Variants in PCCB observed in about 807,000 individuals in gnomAD.
PCCB encodes propionyl-CoA carboxylase beta chain, mitochondrial.
In PCCB, 43 loss-of-function variants were observed where a neutral mutation model predicts 60.7. The observed-to-expected ratio is 0.71, with a 90% CI of 0.55 to 0.91. The LOEUF (loss-of-function observed/expected upper bound fraction) is 0.91, where lower values mean the gene tolerates loss of function less well. Among genes scored for constraint, PCCB ranks in the 40% least tolerant of loss-of-function variants. The pLI, the probability that PCCB is intolerant of heterozygous loss-of-function variation, is 0.00. For missense variants in PCCB, 766 were observed against 702.8 expected (o/e 1.09, Z -1.02); for synonymous variants, 276 against 255.9 (o/e 1.08, Z -0.75).
intron 5 of PCCB, among the ~76,000 whole-genome samples, chr3:136,270,768 A>G (rs1440146816): frequency 6.6e-6 from 1 of 152,128 alleles, no homozygotes; most frequent in Non-Finnish European, 1.5e-5. Flanking sequence ...GGCCTCCCAA[A>G]TTACTGGGAT....
chr3:136,273,408 G>T (rs1413036377), intron 5 of PCCB, among the ~76,000 whole-genome samples: 1 of 152,066 alleles, frequency 6.6e-6, no homozygotes, highest in Admixed American at 6.6e-5. Flanking sequence ...AGTGCTGTCA[G>T]TGGAGTATCG....
At chr3:136,308,689 G>A (rs996623116) in intron 9 of PCCB, among the ~76,000 whole-genome samples, 6 of 152,174 alleles carry the variant, frequency 3.9e-5, no homozygotes, top group African/African-American at 1.4e-4. Flanking sequence ...ATATGTATTA[G>A]ATCAGAAAGA....
intron 5 of PCCB, among the ~76,000 whole-genome samples, chr3:136,262,989 C>T (rs1464008429): frequency 7.2e-6 from 1 of 139,408 alleles, no homozygotes; most frequent in Non-Finnish European, 1.5e-5. Context: ...GAGTCTGGCT[C>T]TGTCTCCCAG....
intron 5 of PCCB, among the ~76,000 whole-genome samples, chr3:136,281,398 C>T (rs1054369340): frequency 2.0e-5 from 3 of 151,592 alleles, no homozygotes; most frequent in Admixed American, 1.3e-4. Context: ...TGCTGTTGAA[C>T]CCCTGAAATG....
At chr3:136,325,978 T>A (rs920038234) in intron 10 of PCCB, among the ~76,000 whole-genome samples, 9 of 151,992 alleles carry the variant, frequency 5.9e-5, no homozygotes, top group African/African-American at 2.2e-4. Context: ...CACACCCGGC[T>A]AATTTTTGTA....
intron 4 of PCCB, 45 bp downstream of exon 4, chr3:136,260,580 A>G (rs377205275): frequency 2.3e-5 from 33 of 1,461,938 alleles, no homozygotes; most frequent in African/African-American, 6.9e-5. Flanking sequence ...TTCCTCAGTT[A>G]CATAGTGCTT....
chr3:136,258,686 C>T (rs987768156), intron 3 of PCCB, among the ~76,000 whole-genome samples: 6 of 152,118 alleles, frequency 3.9e-5, no homozygotes, highest in African/African-American at 1.4e-4. Context: ...TCAGCCTCAC[C>T]TTTTCCTCTT....
At chr3:136,287,409 T>G (rs539883508) in intron 6 of PCCB, among the ~76,000 whole-genome samples, 23 of 152,010 alleles carry the variant, frequency 1.5e-4, no homozygotes, top group Non-Finnish European at 2.4e-4. Flanking sequence ...GTGTGTGTGT[T>G]TTTTCTTTTG....
intron 8 of PCCB, among the ~76,000 whole-genome samples, chr3:136,299,899 CAT>C (rs1055324637): frequency 4.6e-5 from 7 of 151,256 alleles, no homozygotes; most frequent in African/African-American, 1.2e-4. Context: ...TATATGCGTA[CAT>C]ATGTATGCAT....
chr3:136,327,745 T>A lies in PCCB; in HGVS notation c.1398+13T>A. The A allele has an allele frequency of 6.3e-7, 1 of 1,599,698 alleles. No individual in the cohort carries two copies. The highest frequency in any genetic ancestry group is 8.6e-7 in the Non-Finnish European group (1 of 1,167,572). On this transcript the variant is annotated intron_variant, in intron 13 of 14. Coordinates refer to ENST00000251654, the MANE Select transcript of PCCB (RefSeq NM_000532.5). ...CATGGGAGCAAAGGTGAGGGCCTCTTGCTTTTCCCTTTCTGGGTCCAAGGA... is the reference window on the plus strand; with the variant it reads ...CATGGGAGCAAAGGTGAGGGCCTCTAGCTTTTCCCTTTCTGGGTCCAAGGA...
At position 136,323,992 on chromosome 3, in the gene PCCB, G is replaced by GTTTT. The variant is rs774958157; in HGVS notation, c.1091-2800_1091-2797dup. ...AAATTTTCCTCTTTTCCCAAGCTTT[G>GTTTT]TTTTTTTTTTTTTTGATATTTAATG... On this transcript the variant is annotated intron_variant, in intron 10 of 14. Transcript: ENST00000251654. Among the ~76,000 whole-genome samples, 700 of 128,712 alleles carry GTTTT rather than the reference G, an allele frequency of 5.4e-3. 6 individuals carry two copies. Among genetic ancestry groups the GTTTT allele is most frequent in the East Asian group, 0.049 (214 of 4,332 alleles). 84.4% of individuals were successfully genotyped at this position (128,712 alleles called of 152,430 possible).
At chr3:136,312,940 G>A (rs1431166210) in intron 9 of PCCB, among the ~76,000 whole-genome samples, 5 of 152,070 alleles carry the variant, frequency 3.3e-5, no homozygotes, top group East Asian at 1.9e-4. Flanking sequence ...AAAAAACCAC[G>A]GATAGATAGC....
chr3:136,272,572 T>A (rs370130603), intron 5 of PCCB, among the ~76,000 whole-genome samples: 2 of 152,148 alleles, frequency 1.3e-5, no homozygotes, highest in Non-Finnish European at 2.9e-5. Flanking sequence ...TTCTTCCTGA[T>A]TTAGAGGATT....
chr3:136,265,512 A>G (rs1438101077), intron 5 of PCCB, among the ~76,000 whole-genome samples: 1 of 152,126 alleles, frequency 6.6e-6, no homozygotes, highest in African/African-American at 2.4e-5. Flanking sequence ...AATAATATCT[A>G]TTGAATATTT....
intron 1 of PCCB, chr3:136,255,363 C>A: frequency 5.0e-6 from 1 of 201,808 alleles, no homozygotes; most frequent in Non-Finnish European, 1.0e-5. Context: ...GGAGAAGAAC[C>A]AGGAAGTAGC....
At chr3:136,288,110 T>A (rs1249609481) in intron 6 of PCCB, among the ~76,000 whole-genome samples, 2 of 152,228 alleles carry the variant, frequency 1.3e-5, no homozygotes, top group Non-Finnish European at 2.9e-5. Flanking sequence ...CAATTTGCAT[T>A]AGTCCATGAC....
chr3:136,293,805 C>G lies in PCCB; in HGVS notation c.704C>G (p.Thr235Ser), dbSNP rs1410754943. 6.2e-7 allele frequency: 1 copy of G among 1,613,626 alleles called. No homozygotes were observed. Among genetic ancestry groups the G allele is most frequent in the African/African-American group, 1.3e-5 (1 of 75,032 alleles). Reference protein sequence around the residue: ...ITGPDVVKSVTNEDVTQEELG... With the variant: ...ITGPDVVKSVSNEDVTQEELG... The stretch of plus-strand genomic sequence containing the variant: ...GGCCCTGATGTTGTGAAGTCTGTCA[C>G]CAATGAGGATGTTACCCAGGAGGAG... Residue 235 changes from threonine to serine, a missense_variant, in exon 7 of 15, where the codon ACC becomes AGC. Thr to Ser is a moderately conservative substitution (Grantham distance 58). Coordinates refer to ENST00000251654, the MANE Select transcript of PCCB (RefSeq NM_000532.5).
In PCCB at chr3:136,305,849, G is replaced by T. The variant is rs1211118761; in HGVS notation, c.966+4738G>T. Among the ~76,000 whole-genome samples the T allele has an allele frequency of 1.6e-5, 2 of 121,512 alleles. 1 individual carries two copies. The highest frequency in any genetic ancestry group is 6.4e-4 in the South Asian group (2 of 3,122). 79.7% of individuals were successfully genotyped at this position (121,512 alleles called of 152,430 possible). A position where few individuals can be genotyped will look rare whatever the true frequency, so the allele number is the denominator to read the frequency against. On this transcript the variant is annotated intron_variant, in intron 9 of 14. Transcript: ENST00000251654. Reference sequence around the variant, plus strand: ...AGTGCACACACAAATCAATACGGTAGTCAGGGGAAGGCATTACTTCTGGGG... The same window carrying T: ...AGTGCACACACAAATCAATACGGTATTCAGGGGAAGGCATTACTTCTGGGG...
At chr3:136,298,162 G>T in intron 8 of PCCB, 90 bp downstream of exon 8, 3 of 1,555,636 alleles carry the variant, frequency 1.9e-6, no homozygotes, top group Admixed American at 1.7e-5. Context: ...TGCCTTGTTG[G>T]GCAAGTTGCA....
Sources: allele counts gnomAD v4.1 joint callset (sites outside exome capture counted in the v4.1 genomes callset), GRCh38; gene constraint gnomAD v4.1.1; transcripts MANE v1.5; gene names NCBI Gene and HGNC (gene_info 2026-07-23, HGNC 2026-07-21).